AP3S1: variants seen among roughly 807,000 people sequenced by gnomAD.
The protein encoded by AP3S1 is adaptor related protein complex 3 subunit sigma 1.
A neutral mutation model predicts 21.3 loss-of-function variants in AP3S1; 12 were observed. The ratio of observed to expected loss-of-function variants is 0.56; its 90% CI spans 0.36 to 0.91. The LOEUF is 0.91. AP3S1 is among the 40% of genes least tolerant of loss of function. AP3S1 has a pLI of 0.01. For synonymous variants in AP3S1, 48 were observed against 78.4 expected, an observed-to-expected ratio of 0.61 and a Z score of 2.05; for missense variants, 116 against 225.0, an observed-to-expected ratio of 0.52 and a Z score of 3.10.
intron 1 of AP3S1, chr5:115,853,039 A>G (rs533247969): frequency 2.4e-5 from 11 of 455,070 alleles, no homozygotes; most frequent in African/African-American, 2.0e-4. Flanking sequence ...AATTATTTGA[A>G]GAAATGCCAG....
intron 5 of AP3S1, among the ~76,000 whole-genome samples, chr5:115,905,671 G>A (rs947159291): frequency 5.3e-5 from 8 of 152,084 alleles, no homozygotes; most frequent in Non-Finnish European, 1.2e-4. Flanking sequence ...ATGTTTGAAA[G>A]GCTTCTAGCT....
chr5:115,907,074 T>C (rs576824228), intron 5 of AP3S1: 98 of 870,528 alleles, frequency 1.1e-4, no homozygotes, highest in Admixed American at 2.5e-4. Flanking sequence ...ATGTCATGTT[T>C]GTTCTGTTTT....
At chr5:115,856,689 G>T (rs1216040681) in intron 1 of AP3S1, among the ~76,000 whole-genome samples, 1 of 152,108 alleles carries the variant, frequency 6.6e-6, no homozygotes, top group Non-Finnish European at 1.5e-5. Context: ...GCCCAGGCTG[G>T]TATGAAATTC....
intron 1 of AP3S1, among the ~76,000 whole-genome samples, chr5:115,854,679 C>G (rs1233686628): frequency 2.1e-5 from 3 of 144,070 alleles, no homozygotes; most frequent in African/African-American, 5.1e-5. Flanking sequence ...TCAGATATCT[C>G]TTTTTTTTTT....
chr5:115,846,892 C>T (rs1400507692), intron 1 of AP3S1, among the ~76,000 whole-genome samples: 5 of 152,130 alleles, frequency 3.3e-5, no homozygotes, highest in Non-Finnish European at 5.9e-5. Context: ...TGTAGCCTGA[C>T]TCAAGTGCTT....
chr5:115,854,043 G>A (rs549950618), intron 1 of AP3S1, among the ~76,000 whole-genome samples: 7 of 152,144 alleles, frequency 4.6e-5, no homozygotes, highest in Non-Finnish European at 1.0e-4. Flanking sequence ...CGTGTGGTGA[G>A]GGCCTTCCTG....
chr5:115,862,671 A>G (rs1011281221), intron 1 of AP3S1, among the ~76,000 whole-genome samples: 1 of 152,336 alleles, frequency 6.6e-6, no homozygotes, highest in South Asian at 2.1e-4. Flanking sequence ...GTGTGATGCT[A>G]ATCATCTCCT....
intron 1 of AP3S1, among the ~76,000 whole-genome samples, chr5:115,845,836 CAAAAAAAAAAAAAAAAA>C (rs755171274): frequency 2.3e-3 from 80 of 34,456 alleles, no homozygotes; most frequent in East Asian, 9.4e-3. Context: ...GACTCCATCT[CAAAAAAAAAAAAAAAAA>C]AAAAAAAAAA....
At chr5:115,876,209 T>C (rs998865045) in intron 3 of AP3S1, among the ~76,000 whole-genome samples, 2 of 152,180 alleles carry the variant, frequency 1.3e-5, no homozygotes, top group African/African-American at 4.8e-5. Context: ...ACCAGCATTG[T>C]TGTAAGAATT....
chr5:115,895,029 A>G (rs1750631290), intron 3 of AP3S1, 58 bp from the exon 4 acceptor site: 2 of 1,176,514 alleles, frequency 1.7e-6, no homozygotes, highest in African/African-American at 1.5e-5. Context: ...CCTTCCTTAT[A>G]GATAATAGTT....
chr5:115,855,786 T>A (rs1051783755), intron 1 of AP3S1, among the ~76,000 whole-genome samples: 5 of 152,260 alleles, frequency 3.3e-5, no homozygotes, highest in Non-Finnish European at 5.9e-5. Flanking sequence ...TTGATCTTGG[T>A]AATCCTCTGT....
At chr5:115,904,894 C>G (rs952647707) in intron 5 of AP3S1, among the ~76,000 whole-genome samples, 4 of 152,088 alleles carry the variant, frequency 2.6e-5, no homozygotes, top group African/African-American at 9.7e-5. Context: ...GAATGAGTAT[C>G]TAGTAATTTG....
At chr5:115,864,133 C>T (rs1378469160) in intron 1 of AP3S1, among the ~76,000 whole-genome samples, 3 of 152,186 alleles carry the variant, frequency 2.0e-5, no homozygotes, top group Admixed American at 2.0e-4. Flanking sequence ...ATGATGAGGA[C>T]TATCTTTATC....
rs56768905 is a variant in AP3S1, at chr5:115,868,951, AAGGGAGGG to A, written c.162-1039_162-1032del. 4.3e-3 allele frequency among the ~76,000 whole-genome samples: 187 copies of A among 43,632 alleles called. 2 individuals carry two copies. Among genetic ancestry groups the A allele is most frequent in the African/African-American group, 0.015 (151 of 9,866 alleles). 28.6% of individuals were successfully genotyped at this position (43,632 alleles called of 152,430 possible). ...GAGGGAGGGAGGGAAGGAAGGAAGG[AAGGGAGGG>A]AGGGAGGGAGGGAGGGAGGGAGGGA... is the stretch of plus-strand genomic sequence containing the variant. On this transcript the variant is annotated intron_variant, in intron 2 of 5. Coordinates refer to ENST00000316788, the MANE Select transcript of AP3S1 (RefSeq NM_001284.4).
At chr5:115,886,803 T>G (rs1321843720) in intron 3 of AP3S1, among the ~76,000 whole-genome samples, 1 of 151,936 alleles carries the variant, frequency 6.6e-6, no homozygotes, top group Non-Finnish European at 1.5e-5. Context: ...GTAAACTCTT[T>G]CAGAATTATT....
intron 4 of AP3S1, among the ~76,000 whole-genome samples, chr5:115,896,806 T>TAGGA (rs1428666074): frequency 1.3e-5 from 2 of 152,112 alleles, no homozygotes; most frequent in African/African-American, 4.8e-5. Flanking sequence ...TATGTTTTGG[T>TAGGA]ACATGATTAA....
rs151306428 is a variant in AP3S1 at position 115,885,371 on chromosome 5, A to T, written c.274-9716A>T. 2.6e-3 allele frequency among the ~76,000 whole-genome samples: 391 copies of T among 152,322 alleles called. 2 individuals are homozygous for T. The highest frequency in any genetic ancestry group is 9.1e-3 in the African/African-American group (378 of 41,568). ...CAGGGAAGCCAACAGTGCAGCCTTC[A>T]GTCTGTGGTCAAAGGCCAGAGAGTT... On this transcript the variant is annotated intron_variant, in intron 3 of 5. Coordinates refer to ENST00000316788, the MANE Select transcript of AP3S1 (RefSeq NM_001284.4).
chr5:115,905,095 A>G (rs1751534847), intron 5 of AP3S1, among the ~76,000 whole-genome samples: 1 of 152,174 alleles, frequency 6.6e-6, no homozygotes, highest in Admixed American at 6.5e-5. Context: ...GCTCAAGGTC[A>G]TCCCCAAGGT....
At chr5:115,900,210 T>C (rs140367050) in intron 4 of AP3S1, among the ~76,000 whole-genome samples, 1 of 152,216 alleles carries the variant, frequency 6.6e-6, no homozygotes, top group Non-Finnish European at 1.5e-5. Flanking sequence ...TTTTTCTTTA[T>C]AGTTACCAAT....
Sources: allele counts gnomAD v4.1 joint callset (sites outside exome capture counted in the v4.1 genomes callset), GRCh38; gene constraint gnomAD v4.1.1; transcripts MANE v1.5; gene names NCBI Gene and HGNC (gene_info 2026-07-23, HGNC 2026-07-21).